Variants in MAP9 observed in about 807,000 individuals in gnomAD.
MAP9 encodes microtubule associated protein 9.
In MAP9, 80 loss-of-function variants were observed where a neutral mutation model predicts 75.2. The observed-to-expected ratio is 1.06, with a 90% confidence interval of 0.89 to 1.28. MAP9 has a LOEUF of 1.28. Ranked by LOEUF, MAP9 falls within the 50% of genes most tolerant of loss-of-function variation. MAP9 has a pLI of 0.00. For missense variants in MAP9, 753 were observed against 719.9 expected (o/e 1.05, Z -0.53); for synonymous variants, 235 against 237.3 (o/e 0.99, Z 0.09).
At chr4:155,357,402 T>C (rs767009141) in intron 8 of MAP9, 47 bp downstream of exon 8, 29 of 1,114,368 alleles carry the variant, frequency 2.6e-5, no homozygotes, top group Admixed American at 1.5e-4. Flanking sequence ...AAACTAGCTT[T>C]GCTAGAATGC....
Position 155,346,173 on chromosome 4 carries a change from C to T in MAP9, c.*1610G>A, listed in dbSNP as rs535427311. The stretch of plus-strand genomic sequence containing the variant: ...GAAGGCTGATGCTCAGTATGTGGAA[C>T]GTCTGGAGTGATCATCTCAAAGCCT... On this transcript the variant is annotated 3_prime_UTR_variant, in exon 14 of 14. Coordinates refer to ENST00000311277, the MANE Select transcript of MAP9 (RefSeq NM_001039580.2). 3 of 152,238 alleles carry T rather than the reference C, an allele frequency of 2.0e-5. No homozygotes were observed. The highest frequency in any genetic ancestry group is 2.1e-4 in the South Asian group (1 of 4,824). The allele number at this position is 152,238 out of a possible 1,614,324, so 9.4% of individuals were successfully genotyped here. A position where few individuals can be genotyped will look rare whatever the true frequency, so the allele number is the denominator to read the frequency against.
chr4:155,342,724 ATCT>A lies in MAP9; in HGVS notation c.*5056_*5058del, dbSNP rs1222463383. 2.6e-5 allele frequency: 4 copies of A among 152,038 alleles called. No homozygotes were observed. The highest frequency in any genetic ancestry group is 5.9e-5 in the Non-Finnish European group (4 of 67,968). 9.4% of individuals were successfully genotyped at this position (152,038 alleles called of 1,614,324 possible). ...ATGACATTACAAAGTGACCCGTGAC[ATCT>A]TTTTTAATCTTGCACACGCACTGCA... On this transcript the variant is annotated 3_prime_UTR_variant, in exon 14 of 14. Coordinates refer to ENST00000311277, the MANE Select transcript of MAP9 (RefSeq NM_001039580.2).
intron 8 of MAP9, 114 bp from the exon 9 acceptor site, chr4:155,355,998 C>G: frequency 3.3e-6 from 3 of 920,626 alleles, no homozygotes; most frequent in Admixed American, 2.7e-5. Context: ...TGATGGCTCA[C>G]ACCTGTAATC....
At chr4:155,369,805 C>T (rs936443284) in intron 4 of MAP9, among the ~76,000 whole-genome samples, 1 of 152,206 alleles carries the variant, frequency 6.6e-6, no homozygotes, top group East Asian at 1.9e-4. Flanking sequence ...TAAAATTTCA[C>T]TCTTTCCATT....
chr4:155,353,880 T>C (rs552767487), intron 10 of MAP9, among the ~76,000 whole-genome samples: 2 of 152,160 alleles, frequency 1.3e-5, no homozygotes, highest in Admixed American at 1.3e-4. Flanking sequence ...GACTGAAAAA[T>C]AGGTTGGAGA....
intron 3 of MAP9, 147 bp downstream of exon 3, chr4:155,374,790 A>C (rs1732764894): frequency 2.3e-6 from 1 of 426,486 alleles, no homozygotes; most frequent in African/African-American, 2.0e-5. Flanking sequence ...CTACTAATTA[A>C]AAAGTTGAAA....
Position 155,342,995 on chromosome 4 carries a change from A to C in MAP9, c.*4788T>G, listed in dbSNP as rs1368572591. The stretch of plus-strand genomic sequence containing the variant: ...ATAATTTACCATTTGTAAAGCAACA[A>C]ATTGCCCATTAACAATGAAATTGTA... On this transcript the variant is annotated 3_prime_UTR_variant, in exon 14 of 14. Coordinates refer to ENST00000311277, the MANE Select transcript of MAP9 (RefSeq NM_001039580.2). 6.6e-6 allele frequency: 1 copy of C among 152,070 alleles called. No homozygotes were observed. Among genetic ancestry groups the C allele is most frequent in the Non-Finnish European group, 1.5e-5 (1 of 67,946 alleles). The allele number at this position is 152,070 out of a possible 1,614,324, so 9.4% of individuals were successfully genotyped here. A position where few individuals can be genotyped will look rare whatever the true frequency, so the allele number is the denominator to read the frequency against.
intron 3 of MAP9, among the ~76,000 whole-genome samples, chr4:155,374,598 G>T (rs1475662245): frequency 6.6e-6 from 1 of 152,088 alleles, no homozygotes; most frequent in East Asian, 1.9e-4. Flanking sequence ...ACTAGCTGTA[G>T]CACCTCCTAG....
In MAP9 at chr4:155,342,741, A is replaced by C. The variant is rs569107584; in HGVS notation, c.*5042T>G. ...CCCGTGACATCTTTTTTAATCTTGCACACGCACTGCAGCAAGGTTAATCCT... is the reference window on the plus strand; with the variant it reads ...CCCGTGACATCTTTTTTAATCTTGCCCACGCACTGCAGCAAGGTTAATCCT... On this transcript the variant is annotated 3_prime_UTR_variant, in exon 14 of 14. Transcript: ENST00000311277. 6.6e-6 allele frequency: 1 copy of C among 152,180 alleles called. No individual in the cohort carries two copies. Among genetic ancestry groups the C allele is most frequent in the Admixed American group, 6.6e-5 (1 of 15,258 alleles). The allele number at this position is 152,180 out of a possible 1,614,324, so 9.4% of individuals were successfully genotyped here.
At position 155,344,134 on chromosome 4, in the gene MAP9, G is replaced by C. The variant is rs1052818476; in HGVS notation, c.*3649C>G. On this transcript the variant is annotated 3_prime_UTR_variant, in exon 14 of 14. Transcript: ENST00000311277. ...AATTCCTTTTCTTTATTGTATCTTA[G>C]TCCATGACACAGGATTTAAGAAACT... 1 of 151,770 alleles carries C rather than the reference G, an allele frequency of 6.6e-6. No individual in the cohort carries two copies. Among genetic ancestry groups the C allele is most frequent in the Admixed American group, 6.6e-5 (1 of 15,224 alleles). The allele number at this position is 151,770 out of a possible 1,614,324, so 9.4% of individuals were successfully genotyped here.
intron 5 of MAP9, among the ~76,000 whole-genome samples, chr4:155,367,840 G>A (rs1420358630): frequency 6.6e-6 from 1 of 152,222 alleles, no homozygotes; most frequent in Non-Finnish European, 1.5e-5. Context: ...AGATCCTTAA[G>A]CACCAACACT....
chr4:155,352,773 A>G (rs1194448143), intron 12 of MAP9, 45 bp from the exon 13 acceptor site: 36 of 1,488,660 alleles, frequency 2.4e-5, no homozygotes, highest in Non-Finnish European at 3.3e-5. Context: ...AGGAAAATAC[A>G]TAATAAAGAT....
At chr4:155,350,313 G>A (rs1223627583) in intron 13 of MAP9, 2 of 420,046 alleles carry the variant, frequency 4.8e-6, no homozygotes, top group Admixed American at 3.0e-5. Context: ...TGTGTTTATA[G>A]GTGTACTATA....
rs1285599582 is a variant in MAP9, at chr4:155,352,936, T to C, written c.1664A>G (p.Asp555Gly). The change falls in exon 12 of 14, where the codon GAT becomes GGT. Residue 555 changes from aspartate (D) to glycine (G), a missense_variant. Transcript: ENST00000311277. ...EEETVAEKKK[D>G]NLTAVEKWNE... ...CCATTTCTCAACAGCAGTTAAATTA[T>C]CTTTCTTTTTCTCGGCAACAGTTTC... 2 of 1,536,026 alleles carry C rather than the reference T, an allele frequency of 1.3e-6. No individual in the cohort carries two copies. Among genetic ancestry groups the C allele is most frequent in the South Asian group, 1.2e-5 (1 of 80,810 alleles).
chr4:155,351,933 T>C (rs1731530523), intron 13 of MAP9, among the ~76,000 whole-genome samples: 2 of 152,050 alleles, frequency 1.3e-5, no homozygotes, highest in Non-Finnish European at 2.9e-5. Flanking sequence ...TATTTATTCA[T>C]AGTAATGTAT....
rs202023952 is a variant in MAP9 at position 155,358,811 on chromosome 4, G to GA, written c.1051-1293dup. On this transcript the variant is annotated intron_variant, in intron 7 of 13. Transcript: ENST00000311277. Reference sequence around the variant, plus strand: ...AGACATACAAGTGGCCAAGAAACATGAAAAAAAATGTTCACCATCACTAAT... The same window carrying GA: ...AGACATACAAGTGGCCAAGAAACATGAAAAAAAAATGTTCACCATCACTAAT... Among the ~76,000 whole-genome samples, 15 of 151,510 alleles carry GA rather than the reference G, an allele frequency of 9.9e-5. 1 individual carries two copies. Among genetic ancestry groups the GA allele is most frequent in the African/African-American group, 4.8e-5 (2 of 41,370 alleles).
chr4:155,368,418 G>T, intron 5 of MAP9, 168 bp downstream of exon 5: 2 of 640,664 alleles, frequency 3.1e-6, no homozygotes, highest in South Asian at 3.9e-5. Flanking sequence ...TTTTAGACTC[G>T]GTGGAATACA....
Position 155,353,995 on chromosome 4 carries a change from G to C in MAP9, c.1381-655C>G, listed in dbSNP as rs556155708. Among the ~76,000 whole-genome samples the C allele has an allele frequency of 1.2e-3, 180 of 152,106 alleles. 1 individual carries two copies. The highest frequency in any genetic ancestry group is 4.1e-3 in the African/African-American group (169 of 41,476). On this transcript the variant is annotated intron_variant, in intron 10 of 13. Transcript: ENST00000311277. ...TTAAATGACATAAAACCTTAATATT[G>C]GGGTAACATAATTTAGAGGTCAAAG... is the stretch of plus-strand genomic sequence containing the variant.
chr4:155,371,928 A>G (rs1332668837), intron 4 of MAP9, among the ~76,000 whole-genome samples: 1 of 152,160 alleles, frequency 6.6e-6, no homozygotes, highest in Non-Finnish European at 1.5e-5. Context: ...TAACAAGTTA[A>G]TTGTTTCATT....
Sources: allele counts gnomAD v4.1 joint callset (sites outside exome capture counted in the v4.1 genomes callset), GRCh38; gene constraint gnomAD v4.1.1; transcripts MANE v1.5; gene names NCBI Gene and HGNC (gene_info 2026-07-23, HGNC 2026-07-21).